CCDC85C: variants seen among roughly 807,000 people sequenced by gnomAD.
CCDC85C encodes coiled-coil domain containing 85C, also known as coiled-coil domain-containing protein 85C.
In CCDC85C, 18 loss-of-function variants were observed where a neutral mutation model predicts 38.3. That is an observed-to-expected ratio of 0.47 (90% CI 0.33 to 0.70). CCDC85C has a LOEUF of 0.70. CCDC85C is among the 30% of genes least tolerant of loss of function. CCDC85C has a pLI of 0.03. For synonymous variants in CCDC85C, 264 were observed against 293.8 expected, an observed-to-expected ratio of 0.90 and a Z score of 1.04; for missense variants, 566 against 621.2, an observed-to-expected ratio of 0.91 and a Z score of 0.94.
chr14:99,593,620 C>A (rs552358440), intron 1 of CCDC85C, among the ~76,000 whole-genome samples: 2 of 152,262 alleles, frequency 1.3e-5, no homozygotes, highest in Non-Finnish European at 2.9e-5. Context: ...GGGGGCAACA[C>A]AGGCAGGGCC....
Position 99,507,477 on chromosome 14 carries a change from A to G in CCDC85C, c.*7769T>C. The G allele has an allele frequency of 3.5e-6, 1 of 289,272 alleles. No individual in the cohort carries two copies. 17.9% of individuals were successfully genotyped at this position (289,272 alleles called of 1,614,324 possible). On this transcript the variant is annotated 3_prime_UTR_variant, in exon 6 of 6. Transcript: ENST00000380243. ...CTACTTAGGAGTCTGAGATGGGAAG[A>G]TCATTTGAGCCCTGGGCAGTCAAGG...
rs565499815 is a variant in CCDC85C at position 99,511,815 on chromosome 14, C to G, written c.*3431G>C. The G allele has an allele frequency of 1.8e-4, 28 of 152,688 alleles. No individual in the cohort carries two copies. The highest frequency in any genetic ancestry group is 6.0e-4 in the African/African-American group (25 of 41,590). The allele number at this position is 152,688 out of a possible 1,614,324, so 9.5% of individuals were successfully genotyped here. On this transcript the variant is annotated 3_prime_UTR_variant, in exon 6 of 6. Coordinates refer to ENST00000380243, the MANE Select transcript of CCDC85C (RefSeq NM_001144995.2). Reference sequence around the variant, plus strand: ...GCTGCGTAGAACGCACACAGGAACCCGGGGGCTTGGATTTGAAACCCTTTC... The same window carrying G: ...GCTGCGTAGAACGCACACAGGAACCGGGGGGCTTGGATTTGAAACCCTTTC...
intron 1 of CCDC85C, among the ~76,000 whole-genome samples, chr14:99,565,621 G>A (rs978319993): frequency 1.3e-5 from 2 of 152,188 alleles, no homozygotes; most frequent in African/African-American, 4.8e-5. Flanking sequence ...TGGGAGCGGG[G>A]GCAGGCTGCA....
rs994113441 is a variant in CCDC85C at position 99,503,390 on chromosome 14, A to G, written c.*11856T>C. The G allele has an allele frequency of 1.7e-6, 1 of 603,244 alleles. No homozygotes were observed. The highest frequency in any genetic ancestry group is 1.9e-5 in the African/African-American group (1 of 53,898). The allele number at this position is 603,244 out of a possible 1,614,324, so 37.4% of individuals were successfully genotyped here. On this transcript the variant is annotated 3_prime_UTR_variant, in exon 6 of 6. Transcript: ENST00000380243. ...TCAGAACTCACCATTCAGGAAAGCTAGTCATTCTGTCTTATTTGGTAAATG... is the reference window on the plus strand; with the variant it reads ...TCAGAACTCACCATTCAGGAAAGCTGGTCATTCTGTCTTATTTGGTAAATG...
chr14:99,527,880 C>A (rs757331541), intron 2 of CCDC85C, among the ~76,000 whole-genome samples: 2 of 152,190 alleles, frequency 1.3e-5, no homozygotes, highest in Non-Finnish European at 2.9e-5. Flanking sequence ...CCAGCCCTGC[C>A]GCCCTGCAGA....
intron 2 of CCDC85C, among the ~76,000 whole-genome samples, chr14:99,532,782 CT>C (rs34038396): frequency 0.021 from 2,657 of 124,334 alleles, 62 homozygotes; most frequent in African/African-American, 0.073. Flanking sequence ...TCTTCTTCTT[CT>C]TTTTTTTTTT....
intron 1 of CCDC85C, among the ~76,000 whole-genome samples, chr14:99,568,305 T>C (rs796978449): frequency 3.4e-4 from 48 of 140,594 alleles, no homozygotes; most frequent in African/African-American, 9.9e-4. Flanking sequence ...CAGGCTGGAG[T>C]GCAATGGCAC....
At chr14:99,526,006 CA>C (rs1045155437) in intron 2 of CCDC85C, among the ~76,000 whole-genome samples, 1 of 152,202 alleles carries the variant, frequency 6.6e-6, no homozygotes, top group African/African-American at 2.4e-5. Context: ...TCCAGGACCA[CA>C]GTGGACAGCA....
intron 5 of CCDC85C, 100 bp from the exon 6 acceptor site, chr14:99,515,435 C>T (rs1566758104): frequency 1.2e-6 from 1 of 841,290 alleles, no homozygotes; most frequent in East Asian, 2.7e-5. Context: ...CCCACGTCCT[C>T]AGAGCCATGG....
rs533911448 is a variant in CCDC85C, at chr14:99,515,067, C to T, written c.*179G>A. 59 of 543,354 alleles carry T rather than the reference C, an allele frequency of 1.1e-4. No homozygotes were observed. The South Asian group carries it at 1.2e-3, about 11-fold the overall frequency. The allele number at this position is 543,354 out of a possible 1,614,324, so 33.7% of individuals were successfully genotyped here. ...TGCTGGTGTATGAGGCGGGAGATGG[C>T]GGCTTGGGCCAGTGCATCGGACCCA... is the stretch of plus-strand genomic sequence containing the variant. On this transcript the variant is annotated 3_prime_UTR_variant, in exon 6 of 6. Coordinates refer to ENST00000380243, the MANE Select transcript of CCDC85C (RefSeq NM_001144995.2).
In CCDC85C at chr14:99,511,446, G is replaced by C. The variant is rs1897129408; in HGVS notation, c.*3800C>G. On this transcript the variant is annotated 3_prime_UTR_variant, in exon 6 of 6. Coordinates refer to ENST00000380243, the MANE Select transcript of CCDC85C (RefSeq NM_001144995.2). ...TTAAGTGTGAATGTAACAACATACT[G>C]TGAATTCCATCTTGGTTACAAATGA... is the stretch of plus-strand genomic sequence containing the variant. 6.6e-6 allele frequency: 1 copy of C among 152,486 alleles called. No individual in the cohort carries two copies. Among genetic ancestry groups the C allele is most frequent in the African/African-American group, 2.4e-5 (1 of 41,438 alleles). The allele number at this position is 152,486 out of a possible 1,614,324, so 9.4% of individuals were successfully genotyped here. A position where few individuals can be genotyped will look rare whatever the true frequency, so the allele number is the denominator to read the frequency against.
chr14:99,509,561 A>G lies in CCDC85C; in HGVS notation c.*5685T>C, dbSNP rs1897067005. ...ACGCACGCAGCACGCACACGCACACACATGCACACACTCCTCTCAAGGAGG... is the reference window on the plus strand; with the variant it reads ...ACGCACGCAGCACGCACACGCACACGCATGCACACACTCCTCTCAAGGAGG... On this transcript the variant is annotated 3_prime_UTR_variant, in exon 6 of 6. Coordinates refer to ENST00000380243, the MANE Select transcript of CCDC85C (RefSeq NM_001144995.2). 1 of 158,866 alleles carries G rather than the reference A, an allele frequency of 6.3e-6. No homozygotes were observed. Among genetic ancestry groups the G allele is most frequent in the South Asian group, 1.8e-4 (1 of 5,508 alleles). 9.8% of individuals were successfully genotyped at this position (158,866 alleles called of 1,614,324 possible). A position where few individuals can be genotyped will look rare whatever the true frequency, so the allele number is the denominator to read the frequency against.
intron 2 of CCDC85C, among the ~76,000 whole-genome samples, chr14:99,524,201 T>A (rs1897341588): frequency 6.6e-6 from 1 of 151,768 alleles, no homozygotes; most frequent in Non-Finnish European, 1.5e-5. Flanking sequence ...CAGCACACAC[T>A]CTGAATGCGT....
intron 1 of CCDC85C, among the ~76,000 whole-genome samples, chr14:99,590,645 G>A (rs933441169): frequency 2.6e-5 from 4 of 152,190 alleles, no homozygotes; most frequent in East Asian, 1.9e-4. Context: ...GGGCTTTCAC[G>A]TGACCTTCCC....
chr14:99,550,395 G>A (rs1350297556), intron 1 of CCDC85C, among the ~76,000 whole-genome samples: 1 of 152,184 alleles, frequency 6.6e-6, no homozygotes, highest in Non-Finnish European at 1.5e-5. Flanking sequence ...AGGGAAGCGG[G>A]CTCTCCCCTC....
rs1440658335 is a variant in CCDC85C at position 99,508,887 on chromosome 14, T to C, written c.*6359A>G. ...GTGACACACAGGAGGCATTGAAGGG[T>C]GTCAGCACTTTTCTGCACCTCTTTT... On this transcript the variant is annotated 3_prime_UTR_variant, in exon 6 of 6. Coordinates refer to ENST00000380243, the MANE Select transcript of CCDC85C (RefSeq NM_001144995.2). 1 of 152,186 alleles carries C rather than the reference T, an allele frequency of 6.6e-6. No homozygotes were observed. Among genetic ancestry groups the C allele is most frequent in the Non-Finnish European group, 1.5e-5 (1 of 68,072 alleles). The allele number at this position is 152,186 out of a possible 1,614,324, so 9.4% of individuals were successfully genotyped here.
chr14:99,517,031 G>A (rs1220923615), intron 4 of CCDC85C, 57 bp downstream of exon 4: 2 of 1,474,176 alleles, frequency 1.4e-6, no homozygotes, highest in Non-Finnish European at 1.9e-6. Context: ...AGGTCCCACA[G>A]TCTCACAGTG....
At chr14:99,571,622 T>A (rs1452502426) in intron 1 of CCDC85C, among the ~76,000 whole-genome samples, 1 of 152,230 alleles carries the variant, frequency 6.6e-6, no homozygotes, top group African/African-American at 2.4e-5. Context: ...TTAAATGTGC[T>A]TTGTAGAATC....
chr14:99,528,168 C>T (rs952324868), intron 2 of CCDC85C, among the ~76,000 whole-genome samples: 11 of 152,188 alleles, frequency 7.2e-5, no homozygotes, highest in South Asian at 4.1e-4. Context: ...AGCAGCCTCC[C>T]GACCCCCACA....
Sources: allele counts gnomAD v4.1 joint callset (sites outside exome capture counted in the v4.1 genomes callset), GRCh38; gene constraint gnomAD v4.1.1; transcripts MANE v1.5; gene names NCBI Gene and HGNC (gene_info 2026-07-23, HGNC 2026-07-21).